PXDN: variants seen among roughly 807,000 people sequenced by gnomAD.
PXDN encodes the protein peroxidasin, also known as peroxidasin homolog.
PXDN carries 77 observed loss-of-function variants against 140.3 expected under a neutral mutation model. That is an observed-to-expected ratio of 0.55 (90% CI 0.46 to 0.66). PXDN has a LOEUF of 0.66. PXDN is among the 30% of genes least tolerant of loss of function. PXDN has a pLI of 0.00. For synonymous variants in PXDN, 911 were observed against 857.4 expected (o/e 1.06, Z -1.09); for missense variants, 1,838 against 2,039.5 (o/e 0.90, Z 1.90).
Position 1,733,472 on chromosome 2 carries a change from C to T in PXDN, c.200+10784G>A, listed in dbSNP as rs372132071. 1.1e-4 allele frequency among the ~76,000 whole-genome samples: 16 copies of T among 151,966 alleles called. No individual in the cohort carries two copies. In the East Asian group the frequency reaches 2.1e-3, roughly 20 times the overall value. ...AAAGCGGTGTCGGCTGGGCGCAGTG[C>T]GGCTCACGCATATAATCCCAGCACT... On this transcript the variant is annotated intron_variant, in intron 1 of 22. Coordinates refer to ENST00000252804, the MANE Select transcript of PXDN (RefSeq NM_012293.3).
intron 1 of PXDN, among the ~76,000 whole-genome samples, chr2:1,723,604 A>G (rs1446686747): frequency 1.3e-5 from 2 of 151,882 alleles, no homozygotes; most frequent in Admixed American, 1.3e-4. Flanking sequence ...ATGGATGGAT[A>G]AATGGATAGG....
At chr2:1,722,741 T>A (rs1052165593) in intron 1 of PXDN, among the ~76,000 whole-genome samples, 1 of 152,180 alleles carries the variant, frequency 6.6e-6, no homozygotes, top group Non-Finnish European at 1.5e-5. Context: ...CCAACACTAT[T>A]CTTAAAATAT....
intron 1 of PXDN, among the ~76,000 whole-genome samples, chr2:1,743,826 A>T (rs1157095921): frequency 1.6e-5 from 2 of 124,694 alleles, no homozygotes; most frequent in Admixed American, 1.6e-4. Flanking sequence ...GCGGAGGGGG[A>T]CCGAGGGGTC....
At chr2:1,677,190 G>A (rs1323164573) in intron 7 of PXDN, 146 bp from the exon 8 acceptor site, 2 of 715,242 alleles carry the variant, frequency 2.8e-6, no homozygotes, top group Non-Finnish European at 4.6e-6. Context: ...CCACAAAAGT[G>A]CCAGACTGGC....
intron 1 of PXDN, among the ~76,000 whole-genome samples, chr2:1,721,878 A>C (rs1343989260): frequency 1.3e-5 from 2 of 152,244 alleles, no homozygotes; most frequent in Non-Finnish European, 2.9e-5. Flanking sequence ...TCCACTGAGG[A>C]AATGAATCAT....
chr2:1,743,833 G>A (rs1685617544), intron 1 of PXDN, among the ~76,000 whole-genome samples: 1 of 146,678 alleles, frequency 6.8e-6, no homozygotes, highest in Non-Finnish European at 1.5e-5. Context: ...GGGACCGAGG[G>A]GTCCTGAGCG....
intron 1 of PXDN, among the ~76,000 whole-genome samples, chr2:1,705,937 C>A (rs777331001): frequency 6.6e-6 from 1 of 152,088 alleles, no homozygotes; most frequent in African/African-American, 2.4e-5. Context: ...AGCAGTTCTC[C>A]GTCCATTACG....
Position 1,644,716 on chromosome 2 carries a change from C to A in PXDN, c.3645G>T (p.Pro1215=), listed in dbSNP as rs755434015. 6.3e-7 allele frequency: 1 copy of A among 1,593,550 alleles called. No individual in the cohort carries two copies. Among genetic ancestry groups the A allele is most frequent in the Admixed American group, 1.7e-5 (1 of 58,760 alleles). ...YGSTLNIDLF[P]ALVVEDLVPG... is the part of the protein sequence containing the mutation. ...GCACCAGGTCCTCCACCACGAGCGC[C>A]GGAAACAGGTCGATGTTGAGTGTCG... Residue 1215 remains proline, a synonymous_variant, in exon 18 of 23, where the codon CCG becomes CCT. Coordinates refer to ENST00000252804, the MANE Select transcript of PXDN (RefSeq NM_012293.3).
At position 1,648,369 on chromosome 2, in the gene PXDN, C is replaced by T. The variant is rs377568844; in HGVS notation, c.3411G>A (p.Thr1137=). ...KMRVPSQLLN[T]ELTERLFSMA... is the part of the protein sequence containing the mutation. The stretch of plus-strand genomic sequence containing the variant: ...TGGAGAACAGCCGCTCCGTGAGCTC[C>T]GTGTTCAGCAGCTGCGAGGGCACAC... The change falls in exon 17 of 23, where the codon ACG becomes ACA. Residue 1137 remains threonine, a synonymous_variant. Coordinates refer to ENST00000252804, the MANE Select transcript of PXDN (RefSeq NM_012293.3). The surrounding 1 kb of genome is among the most constrained non-coding windows in gnomAD (Gnocchi z 8.9). 70 of 1,613,338 alleles carry T rather than the reference C, an allele frequency of 4.3e-5. No homozygotes were observed. Among genetic ancestry groups the T allele is most frequent in the African/African-American group, 2.7e-4 (20 of 74,922 alleles).
chr2:1,653,982 T>A, intron 15 of PXDN, 197 bp from the exon 16 acceptor site: 1 of 599,638 alleles, frequency 1.7e-6, no homozygotes, highest in Non-Finnish European at 2.8e-6. Flanking sequence ...CGGAAGACAC[T>A]AAAAACAAAT....
Position 1,638,854 on chromosome 2 carries a change from T to C in PXDN, c.4198A>G (p.Arg1400Gly). The change falls in exon 21 of 23, where the codon AGA becomes GGA. Residue 1400 changes from arginine to glycine, a missense_variant. By Grantham distance (125) the Arg-to-Gly change is moderately radical. Coordinates refer to ENST00000252804, the MANE Select transcript of PXDN (RefSeq NM_012293.3). The stretch of plus-strand genomic sequence containing the variant: ...GCCGCCAGGCACCTCACCTGTGTTC[T>C]GAGGTCTGTGATGGTCTTCTGCATT... Reference protein sequence around the residue: ...LEMQKTITDLRTQIKKLESRL... With the variant: ...LEMQKTITDLGTQIKKLESRL... 1 of 1,613,982 alleles carries C rather than the reference T, an allele frequency of 6.2e-7. No individual in the cohort carries two copies. Among genetic ancestry groups the C allele is most frequent in the South Asian group, 1.1e-5 (1 of 91,086 alleles).
At chr2:1,737,016 G>A (rs938268804) in intron 1 of PXDN, among the ~76,000 whole-genome samples, 2 of 152,210 alleles carry the variant, frequency 1.3e-5, no homozygotes, top group Admixed American at 6.5e-5. Flanking sequence ...CGGTAGGACA[G>A]AGTGTGTGGG....
rs147536472 is a variant in PXDN at position 1,693,065 on chromosome 2, T to C, written c.270A>G (p.Thr90=). 499 of 1,543,512 alleles carry C rather than the reference T, an allele frequency of 3.2e-4. 3 individuals are homozygous for C. The East Asian group carries it at 9.2e-3, about 29-fold the overall frequency. ...TCCAATAGAATATTTCCACTCACAATGTGTTCAAGTTCCTCAGCCGCCTGA... is the reference window on the plus strand; with the variant it reads ...TCCAATAGAATATTTCCACTCACAACGTGTTCAAGTTCCTCAGCCGCCTGA... ...GAFRRLRNLN[T]LLLNNNQIKR... The change falls in exon 2 of 23, where the codon ACA becomes ACG. Residue 90 remains threonine, a splice_region_variant and synonymous_variant. Coordinates refer to ENST00000252804, the MANE Select transcript of PXDN (RefSeq NM_012293.3).
In PXDN at chr2:1,649,724, G is replaced by T; in HGVS notation, c.2105-49C>A. 1.3e-6 allele frequency: 2 copies of T among 1,596,454 alleles called. No homozygotes were observed. Among genetic ancestry groups the T allele is most frequent in the Admixed American group, 1.7e-5 (1 of 59,820 alleles). ...CGCACTCAATTCCCCTGGAGGATGTGTGAGGGCCCGGTACCCCTTGGCACC... is the reference window on the plus strand; with the variant it reads ...CGCACTCAATTCCCCTGGAGGATGTTTGAGGGCCCGGTACCCCTTGGCACC... On this transcript the variant is annotated intron_variant, in intron 16 of 22. Transcript: ENST00000252804. This position sits in a 1 kb window ranked among gnomAD's most constrained non-coding sequence, Gnocchi z 7.1.
Position 1,638,600 on chromosome 2 carries a change from C to T in PXDN, c.4206+246G>A, listed in dbSNP as rs373876151. ...CAAGGTCACCTGGCTGGCAGTCACA[C>T]GGCCGTGACACAGATTGCCCCTGCC... On this transcript the variant is annotated intron_variant, in intron 21 of 22. Transcript: ENST00000252804. Among the ~76,000 whole-genome samples the T allele has an allele frequency of 4.2e-4, 64 of 152,324 alleles. 1 individual carries two copies. In the East Asian group the frequency reaches 7.0e-3, roughly 17 times the overall value.
intron 1 of PXDN, among the ~76,000 whole-genome samples, chr2:1,739,882 C>T (rs1040271828): frequency 2.5e-4 from 38 of 152,232 alleles, no homozygotes; most frequent in Non-Finnish European, 3.2e-4. Flanking sequence ...AATGTATTTG[C>T]GTGGCAATAA....
intron 17 of PXDN, chr2:1,645,851 T>G (rs919929641): frequency 3.9e-5 from 6 of 152,550 alleles, no homozygotes; most frequent in African/African-American, 1.4e-4. Flanking sequence ...TCTGGGTGCC[T>G]GCTCTCTTCT....
intron 13 of PXDN, 72 bp from the exon 14 acceptor site, chr2:1,661,109 G>C: frequency 1.3e-6 from 2 of 1,554,324 alleles, no homozygotes; most frequent in East Asian, 2.3e-5. Flanking sequence ...CCTAGGGTTG[G>C]GGGAGGGGAG....
intron 1 of PXDN, among the ~76,000 whole-genome samples, chr2:1,711,344 A>C (rs1355376042): frequency 8.2e-5 from 2 of 24,294 alleles, no homozygotes; most frequent in Non-Finnish European, 2.0e-4. Context: ...ACCAGCACCC[A>C]CTCTCCACCA....
Sources: allele counts gnomAD v4.1 joint callset (sites outside exome capture counted in the v4.1 genomes callset), GRCh38; gene constraint gnomAD v4.1.1; non-coding constraint Gnocchi (gnomAD v3.1); transcripts MANE v1.5; gene names NCBI Gene and HGNC (gene_info 2026-07-23, HGNC 2026-07-21).